The following PCF11 variants were observed in gnomAD, a reference collection of about 807,000 sequenced individuals.
PCF11 encodes the protein PCF11 cleavage and polyadenylation factor subunit.
PCF11 carries 19 observed loss-of-function variants against 166.1 expected under a neutral mutation model. That is an observed-to-expected ratio of 0.11 (90% CI 0.08 to 0.17). PCF11 has a LOEUF of 0.17. Ranked by LOEUF, PCF11 falls within the 10% of genes least tolerant of loss-of-function variation. PCF11 has a pLI of 1.00. For missense variants in PCF11, 1,565 were observed against 1,855.5 expected (o/e 0.84, Z 2.88); for synonymous variants, 663 against 644.1 (o/e 1.03, Z -0.44).
intron 2 of PCF11, among the ~76,000 whole-genome samples, chr11:83,163,097 G>A (rs1860318802): frequency 6.6e-6 from 1 of 152,102 alleles, no homozygotes; most frequent in Admixed American, 6.6e-5. Flanking sequence ...ACATTTTTAC[G>A]CCATCACAAA....
chr11:83,164,207 C>A, exon 4 of PCF11: 2 of 1,602,946 alleles, frequency 1.2e-6, no homozygotes, highest in Non-Finnish European at 8.5e-7. Context: ...TTTCTTATAG[C>A]CCGAGGAGCC....
At chr11:83,178,737 C>T (rs528382022) in intron 11 of PCF11, among the ~76,000 whole-genome samples, 5 of 151,320 alleles carry the variant, frequency 3.3e-5, no homozygotes, top group South Asian at 2.1e-4. Context: ...GGTGTGAACC[C>T]GGGAGGCGGA....
chr11:83,181,410 TTAAA>T (rs1285535087), intron 12 of PCF11, among the ~76,000 whole-genome samples: 2 of 151,584 alleles, frequency 1.3e-5, no homozygotes, highest in African/African-American at 4.8e-5. Flanking sequence ...ATTTTTTTTT[TTAAA>T]TTAAGATTAG....
chr11:83,182,532 T>TTTAATTAGTG, intron 14 of PCF11, 41 bp downstream of exon 14: 2 of 1,001,188 alleles, frequency 2.0e-6, no homozygotes, highest in Non-Finnish European at 3.1e-6. Context: ...AAGATTAGTG[T>TTTAATTAGTG]TTTTTTGTTG....
rs1260063874 is a variant in PCF11, at chr11:83,183,078, GTTCT to G, written c.4452+8_4452+11del. Reference sequence around the variant, plus strand: ...TGTTATGAAGATTATCAAAATGTAAGTTCTTTTTGGTTACTGTATTTGTTCTCAT... The same window carrying G: ...TGTTATGAAGATTATCAAAATGTAAGTTTTGGTTACTGTATTTGTTCTCAT... On this transcript the variant is annotated splice_donor_region_variant and intron_variant, in intron 15 of 15. Transcript: ENST00000298281. The G allele has an allele frequency of 6.9e-7, 1 of 1,452,034 alleles. No individual in the cohort carries two copies. The highest frequency in any genetic ancestry group is 9.5e-7 in the Non-Finnish European group (1 of 1,057,378). 89.9% of individuals were successfully genotyped at this position (1,452,034 alleles called of 1,614,324 possible). A position where few individuals can be genotyped will look rare whatever the true frequency, so the allele number is the denominator to read the frequency against.
intron 1 of PCF11, chr11:83,158,493 C>T (rs1860091563): frequency 6.6e-6 from 1 of 152,182 alleles, no homozygotes; most frequent in Non-Finnish European, 1.5e-5. Flanking sequence ...TTCTTTACCC[C>T]TTGACAGAAG....
At chr11:83,179,811 G>A (rs144712929) in intron 11 of PCF11, among the ~76,000 whole-genome samples, 48 of 151,984 alleles carry the variant, frequency 3.2e-4, no homozygotes, top group African/African-American at 1.1e-3. Flanking sequence ...CAGCTACTCG[G>A]GAGGCTGAGG....
Position 83,162,076 on chromosome 11 carries a change from T to C in PCF11, c.318+624T>C, listed in dbSNP as rs575222262. Among the ~76,000 whole-genome samples the C allele has an allele frequency of 4.4e-4, 67 of 152,338 alleles. 2 individuals are homozygous for C. In the South Asian group the frequency reaches 0.014, roughly 31 times the overall value. On this transcript the variant is annotated intron_variant, in intron 2 of 15. Coordinates refer to ENST00000298281, the Ensembl canonical transcript of PCF11. ...GCTTATTTTTCATATCTAGAGATTGTAAATTTCTTCCATAACACTGTAACA... is the reference window on the plus strand; with the variant it reads ...GCTTATTTTTCATATCTAGAGATTGCAAATTTCTTCCATAACACTGTAACA...
At chr11:83,168,256 TACTC>T in intron 7 of PCF11, among the ~76,000 whole-genome samples, 168 bp from the exon 8 acceptor site, 1 of 152,326 alleles carries the variant, frequency 6.6e-6, no homozygotes, top group East Asian at 1.9e-4. Context: ...ATTTTTTTGT[TACTC>T]AGGTGTGTCT....
chr11:83,178,953 A>G (rs1860985899), intron 11 of PCF11, among the ~76,000 whole-genome samples: 1 of 152,172 alleles, frequency 6.6e-6, no homozygotes, highest in South Asian at 2.1e-4. Flanking sequence ...ATATCTTTTC[A>G]TAATTTTCTA....
At chr11:83,173,715 CTTTCTTTTTTTT>C (rs1471999902) in intron 9 of PCF11, among the ~76,000 whole-genome samples, 2 of 79,258 alleles carry the variant, frequency 2.5e-5, no homozygotes, top group Non-Finnish European at 5.3e-5. Context: ...TTCTTTCTTT[CTTTCTTTTTTTT>C]TTTTTTTTTT....
At chr11:83,166,635 G>C (rs1203957751) in exon 5 of PCF11, 1 of 1,611,170 alleles carries the variant, frequency 6.2e-7, no homozygotes, top group East Asian at 2.2e-5. Context: ...GTCAGGCACT[G>C]AACCAAAGGA....
At position 83,167,076 on chromosome 11, in the gene PCF11, AT is replaced by A. The variant is rs149108488; in HGVS notation, c.1818-43del. On this transcript the variant is annotated intron_variant, in intron 5 of 15. Transcript: ENST00000298281. This position sits in a 1 kb window ranked among gnomAD's most constrained non-coding sequence, Gnocchi z 4.2. ...AGAATCTTTAAATATGGTCCTGAGT[AT>A]TTTTTAAAAAAACATTTCAATGTAA... The A allele has an allele frequency of 7.0e-7, 1 of 1,435,540 alleles. No homozygotes were observed. The allele number at this position is 1,435,540 out of a possible 1,614,324, so 88.9% of individuals were successfully genotyped here.
rs1343621450 is a variant in PCF11 at position 83,167,771 on chromosome 11, T to G, written c.2092+266T>G. 1 of 1,419,934 alleles carries G rather than the reference T, an allele frequency of 7.0e-7. No homozygotes were observed. Among genetic ancestry groups the G allele is most frequent in the African/African-American group, 1.4e-5 (1 of 70,424 alleles). 88.0% of individuals were successfully genotyped at this position (1,419,934 alleles called of 1,614,324 possible). Reference sequence around the variant, plus strand: ...CAAGTAGGAATAGTGGAGCACAGTTTGACAGAAAAGAACAATTTAGTGAAA... The same window carrying G: ...CAAGTAGGAATAGTGGAGCACAGTTGGACAGAAAAGAACAATTTAGTGAAA... On this transcript the variant is annotated intron_variant, in intron 7 of 15. Coordinates refer to ENST00000298281, the Ensembl canonical transcript of PCF11. The surrounding 1 kb of genome is among the most constrained non-coding windows in gnomAD (Gnocchi z 4.2).
At position 83,157,762 on chromosome 11, in the gene PCF11, A is replaced by G; in HGVS notation, c.192+131A>G. The G allele has an allele frequency of 1.5e-5, 12 of 791,958 alleles. No individual in the cohort carries two copies. In the South Asian group the frequency reaches 2.0e-4, roughly 13 times the overall value. The allele number at this position is 791,958 out of a possible 1,614,324, so 49.1% of individuals were successfully genotyped here. ...TCTCCAACCCCCCCACCCCCCTCCA[A>G]CTCAGGCTCGGTCTTTGGCCCAGGC... is the stretch of plus-strand genomic sequence containing the variant. On this transcript the variant is annotated intron_variant, in intron 1 of 15. Transcript: ENST00000298281.
chr11:83,167,091 A>G lies in PCF11; in HGVS notation c.1818-34A>G, dbSNP rs761582954. 7 of 1,523,298 alleles carry G rather than the reference A, an allele frequency of 4.6e-6. No individual in the cohort carries two copies. The highest frequency in any genetic ancestry group is 1.7e-4 in the Middle Eastern group (1 of 5,782). The allele number at this position is 1,523,298 out of a possible 1,614,324, so 94.4% of individuals were successfully genotyped here. A position where few individuals can be genotyped will look rare whatever the true frequency, so the allele number is the denominator to read the frequency against. ...GGTCCTGAGTATTTTTTAAAAAAAC[A>G]TTTCAATGTAACATACTGCTTTTAT... On this transcript the variant is annotated intron_variant, in intron 5 of 15. Transcript: ENST00000298281. The surrounding 1 kb of genome is among the most constrained non-coding windows in gnomAD (Gnocchi z 4.2).
At chr11:83,168,467 T>G in exon 8 of PCF11, 1 of 1,609,712 alleles carries the variant, frequency 6.2e-7, no homozygotes, top group Non-Finnish European at 8.5e-7. Flanking sequence ...AATGATCGTT[T>G]TCCACTTAAG....
rs145356929 is a variant in PCF11, at chr11:83,172,258, T to C, written c.3757+344T>C. ...GACAGACCTTAGAAATCTCAGTGAA[T>C]ACTGAGGATACTGCATTAATAAAGT... On this transcript the variant is annotated intron_variant, in intron 9 of 15. Coordinates refer to ENST00000298281, the Ensembl canonical transcript of PCF11. Among the ~76,000 whole-genome samples the C allele has an allele frequency of 1.5e-3, 236 of 152,288 alleles. 1 individual carries two copies. The highest frequency in any genetic ancestry group is 5.5e-3 in the African/African-American group (229 of 41,556).
At chr11:83,171,244 T>C (rs892740710) in intron 8 of PCF11, 1 of 438,086 alleles carries the variant, frequency 2.3e-6, no homozygotes. Context: ...TACTTTGTAA[T>C]GTGGCTATAA....
Sources: allele counts gnomAD v4.1 joint callset (sites outside exome capture counted in the v4.1 genomes callset), GRCh38; gene constraint gnomAD v4.1.1; non-coding constraint Gnocchi (gnomAD v3.1); transcripts MANE v1.5; gene names NCBI Gene and HGNC (gene_info 2026-07-23, HGNC 2026-07-21).